The following MEI4 variants were observed in gnomAD, a reference collection of about 807,000 sequenced individuals.
The protein encoded by MEI4 is meiotic double-stranded break formation protein 4.
A neutral mutation model predicts 31.4 loss-of-function variants in MEI4; 27 were observed. The ratio of observed to expected loss-of-function variants is 0.86; its 90% CI spans 0.63 to 1.19. The LOEUF (loss-of-function observed/expected upper bound fraction) is 1.19. Ranked by LOEUF, MEI4 falls within the 50% of genes most tolerant of loss-of-function variation. The probability of loss-of-function intolerance (pLI) is 0.00; values close to 1 mark genes in which losing one functional copy is unlikely to be tolerated. For missense variants in MEI4, 329 were observed against 398.9 expected (o/e 0.82, Z 1.49); for synonymous variants, 122 against 145.4 (o/e 0.84, Z 1.16).
intron 2 of MEI4, among the ~76,000 whole-genome samples, chr6:77,741,199 G>A (rs1036132951): frequency 5.3e-5 from 8 of 152,282 alleles, no homozygotes; most frequent in Non-Finnish European, 8.8e-5. Context: ...AAAGTTGCTT[G>A]CATGTAAATA....
intron 2 of MEI4, among the ~76,000 whole-genome samples, chr6:77,729,733 A>G (rs1211612699): frequency 4.6e-5 from 7 of 152,186 alleles, no homozygotes; most frequent in Non-Finnish European, 7.3e-5. Flanking sequence ...ATATTTACTT[A>G]AAAGACAGTT....
chr6:77,789,960 G>A (rs1293840244), intron 3 of MEI4, among the ~76,000 whole-genome samples: 2 of 152,102 alleles, frequency 1.3e-5, no homozygotes, highest in Non-Finnish European at 2.9e-5. Flanking sequence ...GCACACGTAT[G>A]TTTATTGCGG....
chr6:77,846,408 A>G (rs1770488026), intron 4 of MEI4, among the ~76,000 whole-genome samples: 1 of 152,092 alleles, frequency 6.6e-6, no homozygotes, highest in Non-Finnish European at 1.5e-5. Context: ...GCCACTGAAC[A>G]TGTCAAATTA....
intron 1 of MEI4, among the ~76,000 whole-genome samples, chr6:77,655,170 C>T (rs1037065477): frequency 2.6e-5 from 4 of 152,154 alleles, no homozygotes; most frequent in African/African-American, 4.8e-5. Context: ...GTTTCCTGTT[C>T]CTGTGTTAGT....
chr6:77,739,827 C>T (rs561784499), intron 2 of MEI4, among the ~76,000 whole-genome samples: 84 of 151,256 alleles, frequency 5.6e-4, no homozygotes, highest in African/African-American at 2.0e-3. Context: ...TTGATTATTT[C>T]TTGTCTTCTG....
chr6:77,844,595 A>G (rs574828376), intron 4 of MEI4, among the ~76,000 whole-genome samples: 1 of 152,254 alleles, frequency 6.6e-6, no homozygotes, highest in South Asian at 2.1e-4. Context: ...GTAATACAAA[A>G]CATTAAATGA....
intron 2 of MEI4, among the ~76,000 whole-genome samples, chr6:77,734,894 A>G (rs1767138140): frequency 6.6e-6 from 1 of 151,530 alleles, no homozygotes; most frequent in African/African-American, 2.4e-5. Context: ...TCACTTATGA[A>G]GCTTAGTTTG....
At chr6:77,788,449 G>C (rs1244588465) in intron 3 of MEI4, among the ~76,000 whole-genome samples, 2 of 152,196 alleles carry the variant, frequency 1.3e-5, no homozygotes, top group African/African-American at 2.4e-5. Flanking sequence ...ATTAGGAAAA[G>C]AGGAAGTCAG....
intron 4 of MEI4, among the ~76,000 whole-genome samples, chr6:77,893,792 A>G (rs974238976): frequency 6.6e-6 from 1 of 152,164 alleles, no homozygotes; most frequent in Admixed American, 6.6e-5. Flanking sequence ...TCTGTGACAG[A>G]TAAATTGCCC....
intron 4 of MEI4, among the ~76,000 whole-genome samples, chr6:77,831,141 A>G: frequency 6.6e-6 from 1 of 151,446 alleles, no homozygotes; most frequent in South Asian, 2.1e-4. Flanking sequence ...GCTAGCAGGC[A>G]TATGAAAAAA....
chr6:77,812,653 T>TTA lies in MEI4; in HGVS notation c.769-16277_769-16276dup, dbSNP rs534680460. On this transcript the variant is annotated intron_variant, in intron 3 of 4. Transcript: ENST00000684080. ...AGAGCTTAGGTAAATATCAGGATGCTTAGACTGATCACGTCTCTGGTAATT... is the reference window on the plus strand; with the variant it reads ...AGAGCTTAGGTAAATATCAGGATGCTTATAGACTGATCACGTCTCTGGTAATT... Among the ~76,000 whole-genome samples, 646 of 152,232 alleles carry TTA rather than the reference T, an allele frequency of 4.2e-3. 7 individuals carry two copies. Among genetic ancestry groups the TTA allele is most frequent in the African/African-American group, 0.014 (601 of 41,552 alleles).
intron 2 of MEI4, among the ~76,000 whole-genome samples, chr6:77,706,082 T>C (rs1423469247): frequency 1.3e-5 from 2 of 152,102 alleles, no homozygotes; most frequent in Non-Finnish European, 2.9e-5. Context: ...CACTCCTCTT[T>C]CTCCCCAAGG....
intron 3 of MEI4, among the ~76,000 whole-genome samples, chr6:77,773,941 T>C (rs1342806106): frequency 6.6e-6 from 1 of 151,884 alleles, no homozygotes; most frequent in Non-Finnish European, 1.5e-5. Context: ...ATCAGGAAAA[T>C]GCAAATTAAA....
At chr6:77,792,991 C>T (rs879625053) in intron 3 of MEI4, among the ~76,000 whole-genome samples, 9 of 152,232 alleles carry the variant, frequency 5.9e-5, no homozygotes, top group African/African-American at 1.2e-4. Flanking sequence ...GGATTACAGG[C>T]GGGAGCCATC....
At chr6:77,663,833 G>A (rs1768563447) in intron 1 of MEI4, among the ~76,000 whole-genome samples, 1 of 152,130 alleles carries the variant, frequency 6.6e-6, no homozygotes, top group Non-Finnish European at 1.5e-5. Flanking sequence ...CCGCTAAGCC[G>A]AGAAGATCTG....
At chr6:77,762,350 T>A (rs1229873902) in intron 3 of MEI4, among the ~76,000 whole-genome samples, 13 of 152,182 alleles carry the variant, frequency 8.5e-5, no homozygotes, top group Admixed American at 8.5e-4. Context: ...TAACCTGAAG[T>A]TGTTTTGTTG....
chr6:77,876,197 A>G (rs1219814517), intron 4 of MEI4, among the ~76,000 whole-genome samples: 7 of 152,170 alleles, frequency 4.6e-5, no homozygotes, highest in South Asian at 2.1e-4. Context: ...TACTAATGCT[A>G]TGGTTTGAAT....
At chr6:77,911,747 T>TAA (rs985173604) in intron 4 of MEI4, among the ~76,000 whole-genome samples, 14 of 148,500 alleles carry the variant, frequency 9.4e-5, no homozygotes, top group African/African-American at 2.4e-4. Context: ...TATATATATA[T>TAA]AAATACATCT....
At chr6:77,878,298 G>A (rs563777408) in intron 4 of MEI4, among the ~76,000 whole-genome samples, 1 of 152,110 alleles carries the variant, frequency 6.6e-6, no homozygotes, top group Admixed American at 6.5e-5. Flanking sequence ...AAATACCACT[G>A]ATTATTGATA....
Sources: gnomAD v4.1 joint callset for allele counts (sites outside exome capture counted in the v4.1 genomes callset) on GRCh38, gnomAD v4.1.1 for gene constraint, MANE v1.5 for transcripts, NCBI Gene and HGNC (gene_info 2026-07-23, HGNC 2026-07-21) for gene names.